Variants in CXCL13 observed in about 807,000 individuals in gnomAD.
The protein encoded by CXCL13 is C-X-C motif chemokine ligand 13.
A neutral mutation model predicts 12.2 loss-of-function variants in CXCL13; 7 were observed. The ratio of observed to expected loss-of-function variants is 0.57; its 90% CI spans 0.33 to 1.07. The LOEUF (loss-of-function observed/expected upper bound fraction) is 1.07. Ranked by LOEUF, CXCL13 falls within the 50% of genes least tolerant of loss-of-function variation. CXCL13 has a pLI of 0.04. For synonymous variants in CXCL13, 47 were observed against 42.4 expected, an observed-to-expected ratio of 1.11 and a Z score of -0.42; for missense variants, 113 against 127.4, an observed-to-expected ratio of 0.89 and a Z score of 0.55.
At chr4:77,538,870 G>T (rs935490390) in intron 1 of CXCL13, among the ~76,000 whole-genome samples, 1 of 152,140 alleles carries the variant, frequency 6.6e-6, no homozygotes, top group Non-Finnish European at 1.5e-5. Context: ...ATCCATTTGG[G>T]TCTGTAGCAA....
chr4:77,602,130 C>T (rs193029821), upstream of CXCL13, among the ~76,000 whole-genome samples: 7 of 152,282 alleles, frequency 4.6e-5, no homozygotes, highest in Middle Eastern at 3.4e-3. Context: ...GAAACTCTAC[C>T]GTTAACTCTC....
intron 1 of CXCL13, among the ~76,000 whole-genome samples, chr4:77,558,312 G>A (rs889219676): frequency 3.3e-5 from 5 of 152,178 alleles, no homozygotes; most frequent in Non-Finnish European, 5.9e-5. Flanking sequence ...CATTGCCTTT[G>A]AGCAAGGGGA....
chr4:77,591,603 C>T (rs1253792271), intron 1 of CXCL13, among the ~76,000 whole-genome samples: 1 of 146,398 alleles, frequency 6.8e-6, no homozygotes, highest in African/African-American at 2.5e-5. Context: ...CTATCATAAT[C>T]ACCTGGGAAG....
chr4:77,584,367 G>T (rs1280077205), intron 1 of CXCL13, among the ~76,000 whole-genome samples: 1 of 152,190 alleles, frequency 6.6e-6, no homozygotes, highest in Admixed American at 6.5e-5. Context: ...TTAGACAGTT[G>T]ATGGGACTCA....
intron 1 of CXCL13, among the ~76,000 whole-genome samples, chr4:77,599,561 G>C (rs556263830): frequency 6.6e-6 from 1 of 152,318 alleles, no homozygotes; most frequent in African/African-American, 2.4e-5. Flanking sequence ...AGTACTTGGA[G>C]AAGATATTCA....
intron 1 of CXCL13, among the ~76,000 whole-genome samples, chr4:77,563,075 A>T (rs1725849564): frequency 6.6e-6 from 1 of 152,114 alleles, no homozygotes; most frequent in South Asian, 2.1e-4. Flanking sequence ...AACACTCACC[A>T]CGAAGGTCTG....
chr4:77,552,882 G>A (rs534691010), intron 1 of CXCL13, among the ~76,000 whole-genome samples: 12 of 152,332 alleles, frequency 7.9e-5, no homozygotes, highest in African/African-American at 2.9e-4. Flanking sequence ...AGGTGGCTGA[G>A]GCTGTTGATC....
intron 1 of CXCL13, among the ~76,000 whole-genome samples, chr4:77,524,629 G>T (rs1025697075): frequency 7.9e-5 from 12 of 152,154 alleles, no homozygotes; most frequent in Admixed American, 5.2e-4. Context: ...GTCTGTTGCA[G>T]CTTCCCTTGG....
At chr4:77,573,362 TTGTGTGTG>T (rs3048191) in intron 1 of CXCL13, among the ~76,000 whole-genome samples, 9,134 of 134,924 alleles carry the variant, frequency 0.068, 549 homozygotes, top group East Asian at 0.17. Context: ...ATTGGGTCTT[TTGTGTGTG>T]TGTGTGTGTG....
intron 1 of CXCL13, among the ~76,000 whole-genome samples, chr4:77,538,817 G>A (rs946759236): frequency 6.6e-6 from 1 of 152,252 alleles, no homozygotes; most frequent in Non-Finnish European, 1.5e-5. Flanking sequence ...GGTGGTGGAA[G>A]TTATCCAAGT....
intron 1 of CXCL13, among the ~76,000 whole-genome samples, chr4:77,596,798 AAAAAAGAAAAG>A (rs1431150682): frequency 6.6e-6 from 1 of 151,680 alleles, no homozygotes; most frequent in Admixed American, 6.6e-5. Context: ...AAAAAAAAAA[AAAAAAGAAAAG>A]AAAAAGAAGA....
At chr4:77,569,305 G>A (rs940860750) in intron 1 of CXCL13, among the ~76,000 whole-genome samples, 3 of 152,150 alleles carry the variant, frequency 2.0e-5, no homozygotes, top group African/African-American at 7.2e-5. Context: ...CATCCAAATA[G>A]GAAGAGAGGA....
chr4:77,526,870 C>G lies in CXCL13; in HGVS notation c.-43+15082C>G, dbSNP rs1184480011. Among the ~76,000 whole-genome samples the G allele has an allele frequency of 4.6e-5, 7 of 152,224 alleles. No individual in the cohort carries two copies. In the East Asian group the frequency reaches 1.2e-3, roughly 25 times the overall value. The stretch of plus-strand genomic sequence containing the variant: ...CAAGAAGGGCCAGCCACTTGAACAG[C>G]CAAGCAGATTGGTCACAGGGCCACT... On this transcript the variant is annotated intron_variant, in intron 1 of 4. Transcript: ENST00000286758.
intron 1 of CXCL13, among the ~76,000 whole-genome samples, chr4:77,542,555 C>G (rs1057036263): frequency 2.0e-5 from 3 of 152,082 alleles, no homozygotes; most frequent in Non-Finnish European, 4.4e-5. Flanking sequence ...CCACCAGGCC[C>G]CATCTCCAAT....
At chr4:77,591,277 C>A (rs967947719) in intron 1 of CXCL13, among the ~76,000 whole-genome samples, 1 of 151,988 alleles carries the variant, frequency 6.6e-6, no homozygotes, top group Non-Finnish European at 1.5e-5. Context: ...CTCAGCCGGG[C>A]GCAGTGGCTC....
chr4:77,544,107 T>C (rs1477119503), intron 1 of CXCL13, among the ~76,000 whole-genome samples: 1 of 152,210 alleles, frequency 6.6e-6, no homozygotes, highest in Non-Finnish European at 1.5e-5. Context: ...TAGTATTCCA[T>C]GGAGTACATG....
chr4:77,525,224 CTCAGTCTCTCTG>C (rs1387391622), intron 1 of CXCL13, among the ~76,000 whole-genome samples: 1 of 152,208 alleles, frequency 6.6e-6, no homozygotes, highest in Non-Finnish European at 1.5e-5. Context: ...TTAAAAATTA[CTCAGTCTCTCTG>C]TCTCAGAGCA....
chr4:77,520,101 T>C (rs1361029005), intron 1 of CXCL13, among the ~76,000 whole-genome samples: 1 of 152,240 alleles, frequency 6.6e-6, no homozygotes, highest in African/African-American at 2.4e-5. Context: ...AGTACCATGC[T>C]GTTTTGGATA....
At chr4:77,538,423 C>CTT (rs80263344) in intron 1 of CXCL13, among the ~76,000 whole-genome samples, 16 of 124,180 alleles carry the variant, frequency 1.3e-4, no homozygotes, top group South Asian at 5.2e-4. Flanking sequence ...AATGTCTTGT[C>CTT]TTTTTTTTTT....
Sources: allele counts gnomAD v4.1 joint callset (sites outside exome capture counted in the v4.1 genomes callset), GRCh38; gene constraint gnomAD v4.1.1; transcripts MANE v1.5; gene names NCBI Gene and HGNC (gene_info 2026-07-23, HGNC 2026-07-21).